The following FANK1 variants were observed in gnomAD, a reference collection of about 807,000 sequenced individuals.
FANK1 encodes fibronectin type 3 and ankyrin repeat domains protein 1.
In FANK1, 44 loss-of-function variants were observed where a neutral mutation model predicts 45.3. The observed-to-expected ratio is 0.97, with a 90% CI of 0.76 to 1.25. The LOEUF (loss-of-function observed/expected upper bound fraction) is 1.25. Ranked by LOEUF, FANK1 falls within the 50% of genes most tolerant of loss-of-function variation. The pLI, the probability that FANK1 is intolerant of heterozygous loss-of-function variation, is 0.00. For synonymous variants in FANK1, 149 were observed against 152.5 expected (o/e 0.98, Z 0.17); for missense variants, 391 against 424.4 (o/e 0.92, Z 0.69).
chr10:125,995,501 G>C lies in FANK1; in HGVS notation c.398+3G>C, dbSNP rs1330499519. 6.2e-7 allele frequency: 1 copy of C among 1,614,010 alleles called. No individual in the cohort carries two copies. Among genetic ancestry groups the C allele is most frequent in the Non-Finnish European group, 8.5e-7 (1 of 1,179,888 alleles). ...CTGGTCCGAATACTTCAAGGAGGGTGAGAGAACTCTGTCAGTTGTTTTTTT... is the reference window on the plus strand; with the variant it reads ...CTGGTCCGAATACTTCAAGGAGGGTCAGAGAACTCTGTCAGTTGTTTTTTT... On this transcript the variant is annotated splice_donor_region_variant and intron_variant, in intron 4 of 10. Coordinates refer to ENST00000368693, the MANE Select transcript of FANK1 (RefSeq NM_145235.5).
chr10:125,927,130 C>T (rs1212590762), intron 1 of FANK1, among the ~76,000 whole-genome samples: 1 of 152,102 alleles, frequency 6.6e-6, no homozygotes, highest in African/African-American at 2.4e-5. Flanking sequence ...TCTTTTGAGA[C>T]AGAGTCTTGC....
At chr10:125,957,766 C>A (rs1228226722) in intron 1 of FANK1, among the ~76,000 whole-genome samples, 1 of 152,068 alleles carries the variant, frequency 6.6e-6, no homozygotes, top group Non-Finnish European at 1.5e-5. Flanking sequence ...CTCAGGTAAT[C>A]CCTTCGCCTT....
chr10:125,902,212 GTAAC>G (rs1263612973), intron 1 of FANK1, among the ~76,000 whole-genome samples: 2 of 152,182 alleles, frequency 1.3e-5, no homozygotes, highest in African/African-American at 4.8e-5. Context: ...GTATACATAT[GTAAC>G]TAACCTGCAC....
At chr10:125,936,284 A>AT (rs1948089678) in intron 1 of FANK1, among the ~76,000 whole-genome samples, 1 of 151,996 alleles carries the variant, frequency 6.6e-6, no homozygotes, top group Non-Finnish European at 1.5e-5. Flanking sequence ...TTAGTGATTT[A>AT]TTTTTTGTCC....
At chr10:125,901,636 C>G (rs1177410711) in intron 1 of FANK1, among the ~76,000 whole-genome samples, 1 of 152,172 alleles carries the variant, frequency 6.6e-6, no homozygotes, top group Non-Finnish European at 1.5e-5. Context: ...AAGCTTTCCT[C>G]TCTGCCAGGG....
intron 5 of FANK1, 96 bp from the exon 6 acceptor site, chr10:125,997,324 A>C: frequency 1.6e-4 from 146 of 917,118 alleles, no homozygotes; most frequent in Non-Finnish European, 2.1e-4. Flanking sequence ...TGAAAGATAC[A>C]TCTTGGATGC....
chr10:126,008,655 G>A, intron 8 of FANK1, 105 bp downstream of exon 8: 1 of 1,333,638 alleles, frequency 7.5e-7, no homozygotes, highest in Non-Finnish European at 1.0e-6. Context: ...ACCAGCCCTT[G>A]GGTTTGACTG....
rs1002982389 is a variant in FANK1 at position 125,980,663 on chromosome 10, C to T, written c.191+325C>T. 4.0e-5 allele frequency: 11 copies of T among 273,492 alleles called. 1 individual carries two copies. Among genetic ancestry groups the T allele is most frequent in the Admixed American group, 3.0e-4 (6 of 19,786 alleles). The allele number at this position is 273,492 out of a possible 1,614,324, so 16.9% of individuals were successfully genotyped here. On this transcript the variant is annotated intron_variant, in intron 2 of 10. Coordinates refer to ENST00000368693, the MANE Select transcript of FANK1 (RefSeq NM_145235.5). ...CCCATCAGGCTGTTGTGTTCACTGA[C>T]GTGGAATGGCCCCGCATGGTCTACC... is the stretch of plus-strand genomic sequence containing the variant.
At chr10:125,981,344 C>CA (rs1468635173) in intron 2 of FANK1, among the ~76,000 whole-genome samples, 4 of 151,968 alleles carry the variant, frequency 2.6e-5, no homozygotes, top group South Asian at 4.2e-4. Flanking sequence ...CCCATCTCTA[C>CA]AAAAAATCCA....
intron 1 of FANK1, among the ~76,000 whole-genome samples, chr10:125,913,508 C>T (rs1465559612): frequency 6.6e-6 from 1 of 152,226 alleles, no homozygotes; most frequent in African/African-American, 2.4e-5. Flanking sequence ...CAGTGTGACT[C>T]AGGCTCGTTT....
chr10:125,959,009 G>A (rs1429986836), intron 1 of FANK1, among the ~76,000 whole-genome samples: 1 of 152,098 alleles, frequency 6.6e-6, no homozygotes, highest in Non-Finnish European at 1.5e-5. Flanking sequence ...TAAAACACTT[G>A]TGACATTAAG....
rs767437940 is a variant in FANK1 at position 126,008,506 on chromosome 10, G to C, written c.805G>C (p.Ala269Pro). ...GGCCTCTCTTCTAATTGATGCTGGG[G>C]CCAATGTGAATGTGAAGGACAGAAA... Reference protein sequence around the residue: ...RVASLLIDAGANVNVKDRNGK... With the variant: ...RVASLLIDAGPNVNVKDRNGK... Residue 269 changes from alanine (A) to proline (P), a missense_variant, in exon 8 of 11, where the codon GCC (alanine) becomes CCC (proline). Transcript: ENST00000368693. 4 of 1,613,616 alleles carry C rather than the reference G, an allele frequency of 2.5e-6. No homozygotes were observed. Among genetic ancestry groups the C allele is most frequent in the Non-Finnish European group, 3.4e-6 (4 of 1,179,802 alleles).
Position 125,924,821 on chromosome 10 carries a change from A to T in FANK1, c.13+28166A>T, listed in dbSNP as rs1408709598. Among the ~76,000 whole-genome samples, 16 of 151,632 alleles carry T rather than the reference A, an allele frequency of 1.1e-4. No individual in the cohort carries two copies. The South Asian group carries it at 1.1e-3, about 10-fold the overall frequency. On this transcript the variant is annotated intron_variant, in intron 1 of 10. Transcript: ENST00000368693. ...GACCCCATCTCAAAAAAAAAAAAAAAAAAAAAAGACTATCATTTTCCCCTT... is the reference window on the plus strand; with the variant it reads ...GACCCCATCTCAAAAAAAAAAAAAATAAAAAAAGACTATCATTTTCCCCTT...
intron 1 of FANK1, among the ~76,000 whole-genome samples, chr10:125,918,592 A>G (rs200257849): frequency 2.5e-5 from 3 of 120,866 alleles, no homozygotes; most frequent in Admixed American, 8.6e-5. Flanking sequence ...AAAAATATAT[A>G]TATATATATA....
At chr10:125,928,418 C>T (rs535244667) in intron 1 of FANK1, among the ~76,000 whole-genome samples, 3 of 151,868 alleles carry the variant, frequency 2.0e-5, no homozygotes, top group Non-Finnish European at 4.4e-5. Context: ...TAGGCAGCTT[C>T]CTTACTGCAG....
At chr10:126,008,633 G>T in intron 8 of FANK1, 83 bp downstream of exon 8, 2 of 1,488,970 alleles carry the variant, frequency 1.3e-6, no homozygotes, top group Non-Finnish European at 1.8e-6. Flanking sequence ...ATTCTTGTGA[G>T]TTCAGCCCTG....
At chr10:125,916,054 C>T (rs61870885) in intron 1 of FANK1, among the ~76,000 whole-genome samples, 3 of 149,492 alleles carry the variant, frequency 2.0e-5, no homozygotes, top group Non-Finnish European at 3.0e-5. Context: ...TTTTTCTTTT[C>T]AGACGGAGTC....
intron 1 of FANK1, among the ~76,000 whole-genome samples, chr10:125,979,104 C>G (rs770784731): frequency 1.3e-5 from 2 of 152,116 alleles, no homozygotes; most frequent in African/African-American, 4.8e-5. Flanking sequence ...GTTTCTGGGT[C>G]GCTCATTCGG....
At chr10:125,930,661 C>A (rs1397024343) in intron 1 of FANK1, among the ~76,000 whole-genome samples, 1 of 152,026 alleles carries the variant, frequency 6.6e-6, no homozygotes, top group Admixed American at 6.6e-5. Context: ...TTCAGTGTCA[C>A]CTTTATTATA....
Sources: allele counts gnomAD v4.1 joint callset (sites outside exome capture counted in the v4.1 genomes callset), GRCh38; gene constraint gnomAD v4.1.1; transcripts MANE v1.5; gene names NCBI Gene and HGNC (gene_info 2026-07-23, HGNC 2026-07-21).